The following CDKAL1 variants were observed in gnomAD, a reference collection of about 807,000 sequenced individuals.
CDKAL1 encodes the protein CDKAL1 threonylcarbamoyladenosine tRNA methylthiotransferase, also known as threonylcarbamoyladenosine tRNA methylthiotransferase.
In CDKAL1, 32 loss-of-function variants were observed where a neutral mutation model predicts 68.2. The ratio of observed to expected loss-of-function variants is 0.47; its 90% confidence interval spans 0.35 to 0.63. The LOEUF is 0.63. Ranked by LOEUF, CDKAL1 falls within the 30% of genes least tolerant of loss-of-function variation. The pLI, the probability that CDKAL1 is intolerant of heterozygous loss-of-function variation, is 0.00. For synonymous variants in CDKAL1, 234 were observed against 244.3 expected (o/e 0.96, Z 0.39); for missense variants, 606 against 696.7 (o/e 0.87, Z 1.47).
chr6:20,829,897 C>T (rs1021536177), intron 8 of CDKAL1, among the ~76,000 whole-genome samples: 11 of 152,156 alleles, frequency 7.2e-5, no homozygotes, highest in African/African-American at 2.4e-4. Flanking sequence ...TTTTTTGAGA[C>T]GGAGTCTCAC....
chr6:20,667,069 A>T (rs1769582642), intron 5 of CDKAL1, among the ~76,000 whole-genome samples: 1 of 152,138 alleles, frequency 6.6e-6, no homozygotes, highest in Non-Finnish European at 1.5e-5. Flanking sequence ...GCAAATATCC[A>T]TTGCATTTGA....
At chr6:20,762,519 C>T (rs940344453) in intron 7 of CDKAL1, among the ~76,000 whole-genome samples, 10 of 152,142 alleles carry the variant, frequency 6.6e-5, no homozygotes, top group South Asian at 2.1e-4. Flanking sequence ...TTCTGTTCTT[C>T]GCTTTCTATG....
intron 8 of CDKAL1, among the ~76,000 whole-genome samples, chr6:20,835,586 C>T (rs1777905216): frequency 6.6e-6 from 1 of 151,648 alleles, no homozygotes. Flanking sequence ...TCATTCTTGT[C>T]AGCCAGGCTA....
chr6:21,230,853 C>T lies in CDKAL1; in HGVS notation c.1554C>T (p.Phe518=). 2.5e-6 allele frequency: 4 copies of T among 1,601,278 alleles called. No individual in the cohort carries two copies. The highest frequency in any genetic ancestry group is 3.4e-6 in the Non-Finnish European group (4 of 1,171,132). ...CTCTGTTTCTCTCTTTATAGGACTT[C>T]AGAAATGGGCTTGGGAACCAGCTGA... The part of the protein sequence containing the change: ...KGEVSGLTKD[F]RNGLGNQLSS... The change falls in exon 16 of 16, where the codon TTC becomes TTT. Residue 518 remains phenylalanine, a synonymous_variant. Coordinates refer to ENST00000274695, the MANE Select transcript of CDKAL1 (RefSeq NM_017774.3).
intron 4 of CDKAL1, among the ~76,000 whole-genome samples, chr6:20,594,922 A>T (rs185478676): frequency 5.4e-4 from 82 of 152,188 alleles, no homozygotes; most frequent in Non-Finnish European, 1.9e-4. Flanking sequence ...TTTCTCCTTC[A>T]CTTATGAAGC....
intron 10 of CDKAL1, among the ~76,000 whole-genome samples, chr6:20,967,323 A>G (rs1375575565): frequency 6.6e-6 from 1 of 152,200 alleles, no homozygotes; most frequent in East Asian, 1.9e-4. Context: ...CTCCTTTTGT[A>G]GTAAATAGAA....
At chr6:21,213,320 A>AG (rs778258388) in intron 15 of CDKAL1, among the ~76,000 whole-genome samples, 31 of 152,102 alleles carry the variant, frequency 2.0e-4, no homozygotes, top group Non-Finnish European at 3.2e-4. Context: ...TGTGATGTGG[A>AG]GTGGGGGGCA....
intron 4 of CDKAL1, among the ~76,000 whole-genome samples, chr6:20,596,954 G>GC (rs1449204816): frequency 3.3e-5 from 5 of 152,048 alleles, no homozygotes; most frequent in East Asian, 1.9e-4. Flanking sequence ...GCTTCGGCTT[G>GC]CCCCCCATGG....
chr6:20,686,112 A>G (rs561439178), intron 5 of CDKAL1, among the ~76,000 whole-genome samples: 8 of 149,066 alleles, frequency 5.4e-5, no homozygotes, highest in Admixed American at 2.7e-4. Flanking sequence ...AATACTCTTG[A>G]GTGTTTTATG....
chr6:21,208,198 G>A (rs898165), intron 15 of CDKAL1, among the ~76,000 whole-genome samples: 21,700 of 151,946 alleles, frequency 0.14, 1,603 homozygotes, highest in East Asian at 0.22. Context: ...TGACACAGCC[G>A]ACCGCGCTTG....
At chr6:20,909,826 T>A (rs772386065) in intron 9 of CDKAL1, among the ~76,000 whole-genome samples, 3 of 152,138 alleles carry the variant, frequency 2.0e-5, no homozygotes, top group Non-Finnish European at 4.4e-5. Context: ...GAGCAGCAGG[T>A]CCTATTTCCT....
intron 2 of CDKAL1, among the ~76,000 whole-genome samples, chr6:20,536,367 T>C (rs1763173017): frequency 6.6e-6 from 1 of 152,204 alleles, no homozygotes; most frequent in African/African-American, 2.4e-5. Context: ...AGTTTCATAA[T>C]GTTAGCTCCT....
At chr6:21,209,533 A>G (rs1226878104) in intron 15 of CDKAL1, among the ~76,000 whole-genome samples, 4 of 152,186 alleles carry the variant, frequency 2.6e-5, no homozygotes, top group Non-Finnish European at 4.4e-5. Context: ...TTCCTCTGGT[A>G]ATACTGCTAA....
chr6:20,757,250 A>G (rs964944237), intron 6 of CDKAL1, among the ~76,000 whole-genome samples: 10 of 152,166 alleles, frequency 6.6e-5, no homozygotes, highest in Middle Eastern at 3.4e-3. Context: ...TTACATTTTT[A>G]ATAAAGTTTT....
chr6:20,799,858 G>C (rs564324072), intron 8 of CDKAL1: 132 of 152,334 alleles, frequency 8.7e-4, no homozygotes, highest in African/African-American at 3.0e-3. Context: ...TTTGGAACTT[G>C]TGCCTATAAA....
intron 5 of CDKAL1, among the ~76,000 whole-genome samples, chr6:20,707,314 G>A (rs1212714495): frequency 6.6e-6 from 1 of 152,202 alleles, no homozygotes; most frequent in East Asian, 1.9e-4. Context: ...TAATCCAGTA[G>A]CACAGAATGA....
intron 10 of CDKAL1, among the ~76,000 whole-genome samples, chr6:20,974,978 C>CAAAAAAAAAAAAAAAAAAAAA (rs11330322): frequency 1.6e-5 from 1 of 62,914 alleles, no homozygotes; most frequent in African/African-American, 6.4e-5. Context: ...GACCCTATCT[C>CAAAAAAAAAAAAAAAAAAAAA]AAAAAAAAAA....
chr6:20,550,088 C>T (rs573455520), intron 4 of CDKAL1, among the ~76,000 whole-genome samples: 1 of 151,358 alleles, frequency 6.6e-6, no homozygotes, highest in African/African-American at 2.4e-5. Flanking sequence ...AAGGGATTCT[C>T]CTGCCTCAGC....
chr6:21,065,483 TC>T (rs1771385233), intron 12 of CDKAL1, among the ~76,000 whole-genome samples: 1 of 152,044 alleles, frequency 6.6e-6, no homozygotes, highest in Non-Finnish European at 1.5e-5. Context: ...TTAATTAGTA[TC>T]TAGTATTTAC....
Sources: allele counts gnomAD v4.1 joint callset (sites outside exome capture counted in the v4.1 genomes callset), GRCh38; gene constraint gnomAD v4.1.1; transcripts MANE v1.5; gene names NCBI Gene and HGNC (gene_info 2026-07-23, HGNC 2026-07-21).